The following DHRSX variants were observed in gnomAD, a reference collection of about 807,000 sequenced individuals.
DHRSX encodes dehydrogenase/reductase X-linked, also known as polyprenol dehydrogenase.
In DHRSX, 31 loss-of-function variants were observed where a neutral mutation model predicts 34.0. That is an observed-to-expected ratio of 0.91 (90% CI 0.69 to 1.23). The LOEUF (loss-of-function observed/expected upper bound fraction) is 1.23. Ranked by LOEUF, DHRSX falls within the 50% of genes most tolerant of loss-of-function variation. The probability of loss-of-function intolerance (pLI) is 0.00; values close to 1 mark genes in which losing one functional copy is unlikely to be tolerated. For missense variants in DHRSX, 414 were observed against 428.1 expected (o/e 0.97, Z 0.29); for synonymous variants, 201 against 183.8 (o/e 1.09, Z -0.76).
chrX:2,313,588 C>T (rs145805280), intron 3 of DHRSX, among the ~76,000 whole-genome samples: 2,071 of 151,926 alleles, frequency 0.014, 45 homozygotes, highest in African/African-American at 0.041. Context: ...AGGATGGTCT[C>T]GATCTCATGA....
At chrX:2,360,453 CGT>C (rs1569493591) in intron 3 of DHRSX, among the ~76,000 whole-genome samples, 2 of 151,976 alleles carry the variant, frequency 1.3e-5, no homozygotes, top group East Asian at 3.9e-4. Flanking sequence ...TGTGGTGGTG[CGT>C]GCCTGTAATC....
intron 4 of DHRSX, among the ~76,000 whole-genome samples, chrX:2,275,733 G>A (rs1294601797): frequency 6.6e-6 from 1 of 151,678 alleles, no homozygotes; most frequent in Non-Finnish European, 1.5e-5. Context: ...AGATTGCAGT[G>A]AGAAGAGGTT....
chrX:2,231,416 G>T (rs2015873746), intron 6 of DHRSX, among the ~76,000 whole-genome samples: 1 of 151,082 alleles, frequency 6.6e-6, no homozygotes, highest in African/African-American at 2.4e-5. Flanking sequence ...TTCCTCCTTT[G>T]CTTCCTCTTC....
At chrX:2,273,962 A>G (rs2041590762) in intron 4 of DHRSX, among the ~76,000 whole-genome samples, 1 of 152,178 alleles carries the variant, frequency 6.6e-6, no homozygotes, top group African/African-American at 2.4e-5. Context: ...TGCAGCAGCC[A>G]CGCGCAGGGG....
At chrX:2,434,262 G>A (rs922305307) in intron 1 of DHRSX, among the ~76,000 whole-genome samples, 1 of 152,174 alleles carries the variant, frequency 6.6e-6, no homozygotes, top group African/African-American at 2.4e-5. Flanking sequence ...TAAAAAGTAG[G>A]GTTGTTATCC....
At chrX:2,395,107 G>A (rs1053442473) in intron 3 of DHRSX, among the ~76,000 whole-genome samples, 16 of 152,116 alleles carry the variant, frequency 1.1e-4, no homozygotes, top group Non-Finnish European at 2.1e-4. Context: ...CCATCACTGG[G>A]GCCAAGGACA....
chrX:2,287,860 T>C (rs1181762662), intron 4 of DHRSX, among the ~76,000 whole-genome samples: 1 of 152,242 alleles, frequency 6.6e-6, no homozygotes, highest in Non-Finnish European at 1.5e-5. Context: ...CTAATTCTCA[T>C]GTGGTCGACA....
At chrX:2,439,197 A>G in intron 1 of DHRSX, among the ~76,000 whole-genome samples, 1 of 152,186 alleles carries the variant, frequency 6.6e-6, no homozygotes, top group East Asian at 1.9e-4. Flanking sequence ...ATAAAGTAAA[A>G]TAACATAAAA....
chrX:2,231,531 CCTATT>C (rs1193649987), intron 6 of DHRSX, among the ~76,000 whole-genome samples: 1 of 150,082 alleles, frequency 6.7e-6, no homozygotes, highest in Non-Finnish European at 1.5e-5. Flanking sequence ...TTATCCTCCT[CCTATT>C]CTTCTATCCC....
intron 3 of DHRSX, among the ~76,000 whole-genome samples, chrX:2,397,954 ATAGATACATATGC>A (rs1569497130): frequency 2.7e-5 from 4 of 149,080 alleles, no homozygotes; most frequent in African/African-American, 1.0e-4. Flanking sequence ...ACACACACAC[ATAGATACATATGC>A]CAACAGGCTG....
intron 3 of DHRSX, among the ~76,000 whole-genome samples, chrX:2,391,079 C>T (rs2043330393): frequency 6.6e-6 from 1 of 152,238 alleles, no homozygotes. Context: ...TTTCTCTCCA[C>T]CTTCGGGTTA....
intron 3 of DHRSX, among the ~76,000 whole-genome samples, chrX:2,314,216 AGGAG>A (rs1427392258): frequency 4.7e-4 from 6 of 12,878 alleles, no homozygotes; most frequent in African/African-American, 1.2e-3. Flanking sequence ...GAGGGAGGGA[AGGAG>A]GGAAGGAAGG....
In DHRSX at chrX:2,500,915, A is replaced by C. The variant is rs2045412233; in HGVS notation, c.11T>G (p.Leu4Trp). ...CCGCAGGGCCGCCCGCGCCGCAGAC[A>C]ATGGCGACATGGCTGCCCCGGCCGC... MSP[L>W]SAARAALRVY... The change falls in exon 1 of 7, where the codon TTG (leucine) becomes TGG (tryptophan). Residue 4 changes from leucine (L) to tryptophan (W), a missense_variant. Coordinates refer to ENST00000334651, the MANE Select transcript of DHRSX (RefSeq NM_145177.3). 1.8e-6 allele frequency: 2 copies of C among 1,104,194 alleles called. No individual in the cohort carries two copies. The highest frequency in any genetic ancestry group is 5.5e-5 in the East Asian group (1 of 18,166). 68.4% of individuals were successfully genotyped at this position (1,104,194 alleles called of 1,614,324 possible).
At chrX:2,454,103 C>T (rs1357322704) in intron 1 of DHRSX, among the ~76,000 whole-genome samples, 5 of 152,062 alleles carry the variant, frequency 3.3e-5, no homozygotes, top group Non-Finnish European at 5.9e-5. Context: ...GAAAGCAAAA[C>T]AAGTCCCAGT....
rs1448357744 is a variant in DHRSX, at chrX:2,363,265, CCATTTTATCACCGTTCTATGGTATCAT to C, written c.286+45453_286+45479del. The stretch of plus-strand genomic sequence containing the variant: ...ATCACCTTTCTATGGTATCATGCTG[CCATTTTATCACCGTTCTATGGTATCAT>C]GCCATTTTATCACCGTTCTATGGTA... On this transcript the variant is annotated intron_variant, in intron 3 of 6. Coordinates refer to ENST00000334651, the MANE Select transcript of DHRSX (RefSeq NM_145177.3). Among the ~76,000 whole-genome samples, 227 of 135,828 alleles carry C rather than the reference CCATTTTATCACCGTTCTATGGTATCAT, an allele frequency of 1.7e-3. 19 individuals carry two copies. The highest frequency in any genetic ancestry group is 5.9e-3 in the African/African-American group (210 of 35,422). The allele number at this position is 135,828 out of a possible 152,430, so 89.1% of individuals were successfully genotyped here.
intron 1 of DHRSX, among the ~76,000 whole-genome samples, chrX:2,428,008 G>C (rs2043870403): frequency 1.3e-5 from 2 of 152,164 alleles, no homozygotes; most frequent in African/African-American, 4.8e-5. Flanking sequence ...CTCAGAAACA[G>C]AAAGTCAAGT....
At chrX:2,479,960 C>T (rs2044744700) in intron 1 of DHRSX, among the ~76,000 whole-genome samples, 1 of 152,188 alleles carries the variant, frequency 6.6e-6, no homozygotes, top group Non-Finnish European at 1.5e-5. Flanking sequence ...AGAAACGGGC[C>T]TGCGAAACAC....
intron 1 of DHRSX, among the ~76,000 whole-genome samples, chrX:2,468,881 A>C (rs1475034875): frequency 2.0e-5 from 3 of 150,918 alleles, no homozygotes; most frequent in Admixed American, 6.6e-5. Flanking sequence ...CACACTGAAG[A>C]AGTTCCCTAG....
chrX:2,221,274 G>A (rs2015514393), intron 6 of DHRSX, 45 bp from the exon 7 acceptor site: 1 of 1,587,202 alleles, frequency 6.3e-7, no homozygotes, highest in African/African-American at 1.3e-5. Context: ...AAATTTCTGA[G>A]CAGGAAACAG....
Sources: allele counts gnomAD v4.1 joint callset (sites outside exome capture counted in the v4.1 genomes callset), GRCh38; gene constraint gnomAD v4.1.1; transcripts MANE v1.5; gene names NCBI Gene and HGNC (gene_info 2026-07-23, HGNC 2026-07-21).